The following NEDD1 variants were observed in gnomAD, a reference collection of about 807,000 sequenced individuals.
NEDD1 encodes the protein NEDD1 gamma-tubulin ring complex targeting factor.
A neutral mutation model predicts 74.0 loss-of-function variants in NEDD1; 33 were observed. The ratio of observed to expected loss-of-function variants is 0.45; its 90% CI spans 0.34 to 0.60. NEDD1 has a LOEUF of 0.60. Ranked by LOEUF, NEDD1 falls within the 20% of genes least tolerant of loss-of-function variation. The pLI, the probability that NEDD1 is intolerant of heterozygous loss-of-function variation, is 0.01. For synonymous variants in NEDD1, 250 were observed against 264.4 expected (o/e 0.95, Z 0.53); for missense variants, 746 against 776.5 (o/e 0.96, Z 0.47).
At chr12:96,915,572 G>C (rs897715240) in intron 4 of NEDD1, among the ~76,000 whole-genome samples, 1 of 152,202 alleles carries the variant, frequency 6.6e-6, no homozygotes, top group African/African-American at 2.4e-5. Flanking sequence ...TTTTCTTGAA[G>C]TCATGAAATG....
intron 5 of NEDD1, among the ~76,000 whole-genome samples, chr12:96,919,290 T>C (rs1292814088): frequency 6.6e-6 from 1 of 152,102 alleles, no homozygotes; most frequent in Non-Finnish European, 1.5e-5. Flanking sequence ...AATTGAGTCC[T>C]GGCCCTGTCA....
rs249580 is a variant in NEDD1 at position 96,943,832 on chromosome 12, C to T, written c.1497+70C>T. 0.49 allele frequency: 444,425 copies of T among 910,480 alleles called. 110,479 individuals carry two copies. The highest frequency in any genetic ancestry group is 0.64 in the African/African-American group (38,133 of 60,038). 56.4% of individuals were successfully genotyped at this position (910,480 alleles called of 1,614,324 possible). ...AGTAGAAAGTGGGTGGCTGCCAGTG[C>T]ATGTATCCTAATTATTAGCATTGCT... On this transcript the variant is annotated intron_variant, in intron 12 of 15. Coordinates refer to ENST00000266742, the MANE Select transcript of NEDD1 (RefSeq NM_152905.4).
At chr12:96,939,823 C>T (rs1877487535) in intron 9 of NEDD1, among the ~76,000 whole-genome samples, 1 of 151,894 alleles carries the variant, frequency 6.6e-6, no homozygotes, top group Non-Finnish European at 1.5e-5. Flanking sequence ...GGTTTGCTTC[C>T]TCTTTGAAAC....
chr12:96,934,498 T>C (rs1053415038), intron 6 of NEDD1, among the ~76,000 whole-genome samples: 2 of 150,884 alleles, frequency 1.3e-5, no homozygotes, highest in Non-Finnish European at 1.5e-5. Flanking sequence ...TTTCTTTTCT[T>C]TTCTTTTTTT....
intron 6 of NEDD1, among the ~76,000 whole-genome samples, chr12:96,921,308 A>G (rs544439773): frequency 6.6e-6 from 1 of 152,148 alleles, no homozygotes; most frequent in Non-Finnish European, 1.5e-5. Context: ...CAGTCTCCCA[A>G]GTAACTGGGA....
chr12:96,931,835 C>T (rs1484255800), intron 6 of NEDD1, among the ~76,000 whole-genome samples: 1 of 152,020 alleles, frequency 6.6e-6, no homozygotes, highest in Non-Finnish European at 1.5e-5. Context: ...TTAAAGGATA[C>T]CCCCTCAAAA....
chr12:96,947,817 G>A (rs1489270103), intron 14 of NEDD1, among the ~76,000 whole-genome samples: 1 of 152,188 alleles, frequency 6.6e-6, no homozygotes, highest in East Asian at 1.9e-4. Flanking sequence ...CAGAGCTGCT[G>A]CAGCACGTTT....
intron 14 of NEDD1, among the ~76,000 whole-genome samples, chr12:96,950,924 A>G (rs1013283636): frequency 5.3e-5 from 8 of 151,896 alleles, no homozygotes; most frequent in Non-Finnish European, 1.0e-4. Context: ...GCCATGCTAT[A>G]TCCACCCAAA....
rs768829770 is a variant in NEDD1 at position 96,937,317 on chromosome 12, G to A, written c.1041G>A (p.Thr347=). 1.7e-5 allele frequency: 28 copies of A among 1,612,116 alleles called. No individual in the cohort carries two copies. The highest frequency in any genetic ancestry group is 1.1e-4 in the East Asian group (5 of 44,770). Residue 347 remains threonine, a synonymous_variant, in exon 9 of 16, where the codon ACG becomes ACA. Transcript: ENST00000266742. The part of the protein sequence containing the change: ...NSGIVREAPA[T]SIATVLPQPM... ...GAATTGTCAGAGAAGCACCTGCCAC[G>A]TCCATTGCCACAGTTCTACCACAAC...
chr12:96,939,164 A>C (rs1592918657), intron 9 of NEDD1, among the ~76,000 whole-genome samples: 1 of 152,156 alleles, frequency 6.6e-6, no homozygotes, highest in African/African-American at 2.4e-5. Flanking sequence ...CTTCTATTGA[A>C]GTTGTCCTGA....
chr12:96,917,428 AC>A (rs1441754291), intron 4 of NEDD1, among the ~76,000 whole-genome samples, 192 bp from the exon 5 acceptor site: 2 of 151,982 alleles, frequency 1.3e-5, no homozygotes, highest in Non-Finnish European at 2.9e-5. Context: ...AGCATTTTTG[AC>A]CCCCTTAAAA....
chr12:96,939,036 G>A (rs1235765986), intron 9 of NEDD1, among the ~76,000 whole-genome samples: 1 of 151,992 alleles, frequency 6.6e-6, no homozygotes, highest in African/African-American at 2.4e-5. Flanking sequence ...GAAGTACCTG[G>A]CACATGGTAG....
chr12:96,942,530 G>A, intron 10 of NEDD1, 47 bp from the exon 11 acceptor site: 1 of 927,628 alleles, frequency 1.1e-6, no homozygotes, highest in Non-Finnish European at 1.7e-6. Context: ...AATTGATATG[G>A]TTTCTTTTTC....
Position 96,943,600 on chromosome 12 carries a change from A to C in NEDD1, c.1335A>C (p.Pro445=). The change falls in exon 12 of 16, where the codon CCA becomes CCC. Residue 445 remains proline (P), a synonymous_variant. Transcript: ENST00000266742. ...CGCAGTTGAACTCAGTGTTTCCTCCAAGAAAAAATCCAGTAACTTCAAGTA... is the reference window on the plus strand; with the variant it reads ...CGCAGTTGAACTCAGTGTTTCCTCCCAGAAAAAATCCAGTAACTTCAAGTA... ...FLPQLNSVFP[P]RKNPVTSSTS... is the part of the protein sequence containing the mutation. The C allele has an allele frequency of 1.2e-6, 2 of 1,613,416 alleles. No homozygotes were observed. Among genetic ancestry groups the C allele is most frequent in the Non-Finnish European group, 1.7e-6 (2 of 1,179,456 alleles).
intron 4 of NEDD1, among the ~76,000 whole-genome samples, chr12:96,915,738 A>G (rs148030645): frequency 6.6e-4 from 100 of 152,314 alleles, no homozygotes; most frequent in African/African-American, 2.3e-3. Context: ...ACTCAAAGAT[A>G]CTCACTGAGA....
chr12:96,919,871 G>C lies in NEDD1; in HGVS notation c.349-114G>C, dbSNP rs1007407837. 4.6e-6 allele frequency: 3 copies of C among 653,122 alleles called. No individual in the cohort carries two copies. In the African/African-American group the frequency reaches 5.6e-5, roughly 12 times the overall value. 40.5% of individuals were successfully genotyped at this position (653,122 alleles called of 1,614,324 possible). On this transcript the variant is annotated intron_variant, in intron 5 of 15. Transcript: ENST00000266742. ...AATTCTCTGTATATTTGAGGAAAAT[G>C]TTAAAGCAAATATTAGATTGATAAA...
At chr12:96,925,874 G>T (rs1425039454) in intron 6 of NEDD1, among the ~76,000 whole-genome samples, 1 of 152,138 alleles carries the variant, frequency 6.6e-6, no homozygotes, top group South Asian at 2.1e-4. Context: ...ATCTCTGTAG[G>T]ATCTTCTGAT....
At chr12:96,932,139 C>T (rs1041119675) in intron 6 of NEDD1, among the ~76,000 whole-genome samples, 1 of 151,638 alleles carries the variant, frequency 6.6e-6, no homozygotes, top group African/African-American at 2.4e-5. Flanking sequence ...AACATTCTTA[C>T]ACAATAATGT....
intron 14 of NEDD1, among the ~76,000 whole-genome samples, chr12:96,948,923 C>T (rs1691128351): frequency 6.6e-6 from 1 of 152,150 alleles, no homozygotes. Flanking sequence ...TGGTTTCCTG[C>T]CATCTAACCC....
Sources: gnomAD v4.1 joint callset for allele counts (sites outside exome capture counted in the v4.1 genomes callset) on GRCh38, gnomAD v4.1.1 for gene constraint, MANE v1.5 for transcripts, NCBI Gene and HGNC (gene_info 2026-07-23, HGNC 2026-07-21) for gene names.